The following ARHGAP17 variants were observed in gnomAD, a reference collection of about 807,000 sequenced individuals.
ARHGAP17 encodes the protein Rho GTPase activating protein 17.
Under a neutral mutation model 99.5 loss-of-function variants are expected in ARHGAP17, and 57 were observed. The ratio of observed to expected loss-of-function variants is 0.57; its 90% confidence interval spans 0.46 to 0.71. The LOEUF is 0.71. Among genes scored for constraint, ARHGAP17 ranks in the 30% least tolerant of loss-of-function variants. The probability of loss-of-function intolerance (pLI) is 0.00; values close to 1 mark genes in which losing one functional copy is unlikely to be tolerated. For synonymous variants in ARHGAP17, 417 were observed against 429.6 expected, an observed-to-expected ratio of 0.97 and a Z score of 0.36; for missense variants, 1,000 against 1,122.4, an observed-to-expected ratio of 0.89 and a Z score of 1.56.
At chr16:24,964,790 G>T (rs751826300) in intron 6 of ARHGAP17, among the ~76,000 whole-genome samples, 5 of 152,152 alleles carry the variant, frequency 3.3e-5, no homozygotes, top group Admixed American at 6.5e-5. Context: ...ATTACTTTCA[G>T]AAAGTAAAAG....
intron 1 of ARHGAP17, among the ~76,000 whole-genome samples, chr16:25,007,084 A>T (rs532441517): frequency 6.6e-6 from 1 of 152,308 alleles, no homozygotes. Flanking sequence ...AACCTCTTTT[A>T]ACTCCTACTT....
At chr16:24,976,736 G>T (rs376187666) in intron 3 of ARHGAP17, among the ~76,000 whole-genome samples, 1 of 152,190 alleles carries the variant, frequency 6.6e-6, no homozygotes, top group East Asian at 1.9e-4. Flanking sequence ...TCATGAGGAT[G>T]CCTGTCTAGG....
intron 1 of ARHGAP17, among the ~76,000 whole-genome samples, chr16:25,004,761 T>A (rs2053460652): frequency 6.6e-6 from 1 of 152,174 alleles, no homozygotes; most frequent in Non-Finnish European, 1.5e-5. Flanking sequence ...GTATCTCTGA[T>A]AAGGAAGACG....
At chr16:25,002,258 C>A (rs902833877) in intron 1 of ARHGAP17, among the ~76,000 whole-genome samples, 6 of 152,206 alleles carry the variant, frequency 3.9e-5, no homozygotes, top group African/African-American at 9.6e-5. Context: ...TAAATAACAT[C>A]TACATCAACC....
chr16:24,970,886 G>GT lies in ARHGAP17; in HGVS notation c.199-307dup, dbSNP rs1197973383. On this transcript the variant is annotated intron_variant, in intron 3 of 19. Coordinates refer to ENST00000289968, the MANE Select transcript of ARHGAP17 (RefSeq NM_001006634.3). ...GTTCTGCTTATTATTATTTTTGTTT[G>GT]TTTTTTTGGGACAGGGTCTGAGTCT... 6.6e-5 allele frequency among the ~76,000 whole-genome samples: 10 copies of GT among 151,922 alleles called. No individual in the cohort carries two copies. The Middle Eastern group carries it at 0.013, about 192-fold the overall frequency.
At chr16:25,014,305 G>T (rs574690766) in intron 1 of ARHGAP17, among the ~76,000 whole-genome samples, 2 of 152,260 alleles carry the variant, frequency 1.3e-5, no homozygotes, top group South Asian at 4.1e-4. Flanking sequence ...ACAGCCAGCT[G>T]CCCTGAAAGA....
intron 1 of ARHGAP17, among the ~76,000 whole-genome samples, chr16:24,999,291 C>T (rs1373581647): frequency 2.6e-5 from 4 of 152,182 alleles, no homozygotes; most frequent in Non-Finnish European, 1.5e-5. Flanking sequence ...ATATTCACCT[C>T]TGTAGTGGTT....
chr16:24,991,170 C>T (rs141594237), intron 1 of ARHGAP17, among the ~76,000 whole-genome samples: 30 of 152,284 alleles, frequency 2.0e-4, no homozygotes, highest in African/African-American at 7.2e-4. Flanking sequence ...CAAGGCTAGA[C>T]GTTCACATGT....
At position 25,015,269 on chromosome 16, in the gene ARHGAP17, G is replaced by A; in HGVS notation, c.-8C>T. The A allele has an allele frequency of 7.4e-7, 1 of 1,342,300 alleles. No individual in the cohort carries two copies. Among genetic ancestry groups the A allele is most frequent in the Non-Finnish European group, 9.7e-7 (1 of 1,035,974 alleles). 83.1% of individuals were successfully genotyped at this position (1,342,300 alleles called of 1,614,324 possible). The stretch of plus-strand genomic sequence containing the variant: ...GTTGAACTGCTTCTTCATGGCGGCG[G>A]TGGCGGCGGCGGCCCGCGGGGCTCG... On this transcript the variant is annotated 5_prime_UTR_variant, in exon 1 of 20. Coordinates refer to ENST00000289968, the MANE Select transcript of ARHGAP17 (RefSeq NM_001006634.3).
chr16:25,012,738 G>T (rs1356014651), intron 1 of ARHGAP17, among the ~76,000 whole-genome samples: 1 of 152,180 alleles, frequency 6.6e-6, no homozygotes, highest in East Asian at 1.9e-4. Context: ...AAAAACAGAT[G>T]TTCTGACTTT....
intron 1 of ARHGAP17, among the ~76,000 whole-genome samples, chr16:24,989,536 T>G: frequency 1.3e-5 from 2 of 150,460 alleles, no homozygotes; most frequent in African/African-American, 2.5e-5. Context: ...TTATATGAAA[T>G]GGCCAGAAAA....
chr16:24,953,088 C>T (rs767320000), intron 10 of ARHGAP17, 46 bp from the exon 11 acceptor site: 3 of 1,570,852 alleles, frequency 1.9e-6, no homozygotes, highest in Non-Finnish European at 8.8e-7. Flanking sequence ...GGTTGGGACA[C>T]TCAGACTAAG....
intron 1 of ARHGAP17, among the ~76,000 whole-genome samples, chr16:25,001,201 C>T (rs977691805): frequency 3.3e-5 from 5 of 151,790 alleles, no homozygotes; most frequent in African/African-American, 7.3e-5. Context: ...TATTATGTAC[C>T]TAAAATAACA....
intron 17 of ARHGAP17, 55 bp downstream of exon 17, chr16:24,939,309 T>A: frequency 6.7e-7 from 1 of 1,490,852 alleles, no homozygotes; most frequent in South Asian, 1.3e-5. Flanking sequence ...GGCCACCACC[T>A]GCAAGAAGGC....
At chr16:24,983,902 T>C (rs1597454480) in intron 1 of ARHGAP17, among the ~76,000 whole-genome samples, 1 of 152,166 alleles carries the variant, frequency 6.6e-6, no homozygotes, top group East Asian at 1.9e-4. Context: ...TCCTCGTAAT[T>C]CTCAAAGCAG....
chr16:24,997,540 G>A (rs149645594), intron 1 of ARHGAP17, among the ~76,000 whole-genome samples: 1,960 of 152,312 alleles, frequency 0.013, 18 homozygotes, highest in Middle Eastern at 0.02. Flanking sequence ...ATATGCTGCC[G>A]GGTAGGGAAG....
intron 16 of ARHGAP17, 169 bp from the exon 17 acceptor site, chr16:24,939,766 C>T (rs866978887): frequency 2.0e-5 from 14 of 683,498 alleles, no homozygotes; most frequent in Admixed American, 1.6e-4. Context: ...CAACTCCACT[C>T]GGCTTCAAGC....
At chr16:24,974,831 C>A (rs961729794) in intron 3 of ARHGAP17, among the ~76,000 whole-genome samples, 2 of 152,094 alleles carry the variant, frequency 1.3e-5, no homozygotes, top group Non-Finnish European at 2.9e-5. Context: ...TCTAATTAGG[C>A]AGTTATGGGG....
intron 18 of ARHGAP17, among the ~76,000 whole-genome samples, chr16:24,932,262 C>A (rs1806467385): frequency 6.6e-6 from 1 of 152,156 alleles, no homozygotes. Flanking sequence ...TGCAACTTTT[C>A]TATAAATTCA....
Sources: allele counts gnomAD v4.1 joint callset (sites outside exome capture counted in the v4.1 genomes callset), GRCh38; gene constraint gnomAD v4.1.1; transcripts MANE v1.5; gene names NCBI Gene and HGNC (gene_info 2026-07-23, HGNC 2026-07-21).